Variants in PALM observed in about 807,000 individuals in gnomAD.
PALM encodes paralemmin-1.
In PALM, 18 loss-of-function variants were observed where a neutral mutation model predicts 30.7. The observed-to-expected ratio is 0.59, with a 90% confidence interval of 0.41 to 0.87. The LOEUF (loss-of-function observed/expected upper bound fraction) is 0.87, where lower values mean the gene tolerates loss of function less well. Among genes scored for constraint, PALM ranks in the 40% least tolerant of loss-of-function variants. PALM has a pLI of 0.00. For missense variants in PALM, 529 were observed against 555.4 expected, an observed-to-expected ratio of 0.95 and a Z score of 0.48; for synonymous variants, 286 against 242.8, an observed-to-expected ratio of 1.18 and a Z score of -1.66.
intron 1 of PALM, among the ~76,000 whole-genome samples, chr19:718,381 G>A (rs947734125): frequency 6.6e-6 from 1 of 152,178 alleles, no homozygotes; most frequent in Non-Finnish European, 1.5e-5. Flanking sequence ...CCTGCAGTGG[G>A]AGCTCTGTGG....
At position 720,151 on chromosome 19, in the gene PALM, G is replaced by GC. The variant is rs567150015; in HGVS notation, c.6-5979dup. On this transcript the variant is annotated intron_variant, in intron 1 of 8. Coordinates refer to ENST00000338448, the MANE Select transcript of PALM (RefSeq NM_002579.3). ...AGGCCGCCCCAGGCCCGAAGCCTCG[G>GC]CCCCCCCCAATCCCCCCAAGCACAG... Among the ~76,000 whole-genome samples the GC allele has an allele frequency of 9.6e-3, 1,447 of 151,116 alleles. 26 individuals are homozygous for GC. The highest frequency in any genetic ancestry group is 0.033 in the African/African-American group (1,357 of 41,242).
rs938451497 is a variant in PALM at position 747,220 on chromosome 19, C to G, written c.*406C>G. ...ACCTGTGCCTTTCTCTGAGGGGACACCCCGCCAGAGAGGGCCCCGGGAGCC... is the reference window on the plus strand; with the variant it reads ...ACCTGTGCCTTTCTCTGAGGGGACAGCCCGCCAGAGAGGGCCCCGGGAGCC... On this transcript the variant is annotated 3_prime_UTR_variant, in exon 9 of 9. Transcript: ENST00000338448. The G allele has an allele frequency of 5.6e-6, 1 of 179,584 alleles. No homozygotes were observed. Among genetic ancestry groups the G allele is most frequent in the Non-Finnish European group, 1.2e-5 (1 of 86,338 alleles). The allele number at this position is 179,584 out of a possible 1,614,324, so 11.1% of individuals were successfully genotyped here.
Position 731,187 on chromosome 19 carries a change from C to T in PALM, c.362C>T (p.Pro121Leu). 1 of 1,611,112 alleles carries T rather than the reference C, an allele frequency of 6.2e-7. No homozygotes were observed. Among genetic ancestry groups the T allele is most frequent in the Non-Finnish European group, 8.5e-7 (1 of 1,179,242 alleles). ...GCGGCCCCGAGCCCAGTCCGGGCCC[C>T]AGCCCCGAGTCCAGCCAAGGAGGAG... ...NAAAPSPVRA[P>L]APSPAKEERK... Residue 121 changes from proline (P) to leucine (L), a missense_variant, in exon 5 of 9, where the codon CCA becomes CTA. Coordinates refer to ENST00000338448, the MANE Select transcript of PALM (RefSeq NM_002579.3).
chr19:731,313 A>G, intron 5 of PALM, 68 bp downstream of exon 5: 1 of 1,400,026 alleles, frequency 7.1e-7, no homozygotes, highest in Non-Finnish European at 9.7e-7. Context: ...GCGAGGCCCC[A>G]GCCCTTCCAT....
chr19:719,700 C>T (rs1455913182), intron 1 of PALM: 7 of 877,768 alleles, frequency 8.0e-6, no homozygotes, highest in African/African-American at 1.8e-5. Flanking sequence ...TTCCGTGACC[C>T]CTGCGCCGGG....
At chr19:740,790 C>G (rs2144919854) in intron 8 of PALM, among the ~76,000 whole-genome samples, 1 of 152,296 alleles carries the variant, frequency 6.6e-6, no homozygotes, top group African/African-American at 2.4e-5. Context: ...TCTGTCCTTG[C>G]CGGGTGGCAA....
chr19:727,073 G>A lies in PALM; in HGVS notation c.123G>A (p.Gln41=), dbSNP rs994012274. 3 of 1,494,490 alleles carry A rather than the reference G, an allele frequency of 2.0e-6. No individual in the cohort carries two copies. Among genetic ancestry groups the A allele is most frequent in the Non-Finnish European group, 2.7e-6 (3 of 1,111,168 alleles). 92.6% of individuals were successfully genotyped at this position (1,494,490 alleles called of 1,614,324 possible). ...GGCAGCTGGAGGACGAGCGGAGGCA[G>A]CTGCAGCACCTGAAGGTACGAGCGG... ...KRRQLEDERR[Q]LQHLKSKALR... The change falls in exon 3 of 9, where the codon CAG becomes CAA. Residue 41 remains glutamine, a synonymous_variant. Transcript: ENST00000338448.
intron 1 of PALM, among the ~76,000 whole-genome samples, chr19:710,824 G>A (rs1271227708): frequency 2.0e-5 from 3 of 152,238 alleles, no homozygotes; most frequent in East Asian, 3.8e-4. Flanking sequence ...AGTGTTAACC[G>A]GCTGCTGTGA....
At position 742,482 on chromosome 19, in the gene PALM, G is replaced by A. The variant is rs185673557; in HGVS notation, c.634+1999G>A. Among the ~76,000 whole-genome samples, 34 of 152,236 alleles carry A rather than the reference G, an allele frequency of 2.2e-4. 1 individual carries two copies. The highest frequency in any genetic ancestry group is 6.3e-4 in the African/African-American group (26 of 41,542). On this transcript the variant is annotated intron_variant, in intron 8 of 8. Transcript: ENST00000338448. This position sits in a 1 kb window ranked among gnomAD's most constrained non-coding sequence, Gnocchi z 5.5. ...TAGCTGGACGTGGTGGCGGACGCCT[G>A]TAATCCCAGATACTTTGGAGGCTGA... is the stretch of plus-strand genomic sequence containing the variant.
At chr19:718,422 C>G (rs546064173) in intron 1 of PALM, among the ~76,000 whole-genome samples, 1 of 152,178 alleles carries the variant, frequency 6.6e-6, no homozygotes, top group African/African-American at 2.4e-5. Flanking sequence ...GGAGTGCAGT[C>G]GCGTGGGGAG....
At chr19:717,245 C>T (rs1282785196) in intron 1 of PALM, among the ~76,000 whole-genome samples, 2 of 152,072 alleles carry the variant, frequency 1.3e-5, no homozygotes, top group African/African-American at 4.8e-5. Flanking sequence ...GTATCTTTCA[C>T]CACAATTGTA....
At chr19:724,829 G>A (rs966384145) in intron 1 of PALM, among the ~76,000 whole-genome samples, 1 of 151,952 alleles carries the variant, frequency 6.6e-6, no homozygotes, top group African/African-American at 2.4e-5. Context: ...TTACTAGATT[G>A]CCTAGGCTGG....
intron 7 of PALM, among the ~76,000 whole-genome samples, chr19:737,587 G>A (rs1363491278): frequency 6.6e-6 from 1 of 152,180 alleles, no homozygotes; most frequent in Non-Finnish European, 1.5e-5. Flanking sequence ...CGTAAGAGGT[G>A]ACGTCTGAGC....
Position 746,540 on chromosome 19 carries a change from C to T in PALM, c.890C>T (p.Pro297Leu), listed in dbSNP as rs201780424. ...PPGIQPGQEP[P>L]VTMIFMGYQN... ...GGGATCCAGCCCGGCCAGGAGCCCC[C>T]GGTCACAATGATCTTCATGGGTTAC... The change falls in exon 9 of 9, where the codon CCG becomes CTG. Residue 297 changes from proline (P) to leucine (L), a missense_variant. Pro to Leu is a moderately conservative substitution (Grantham distance 98). Transcript: ENST00000338448. This position sits in a 1 kb window ranked among gnomAD's most constrained non-coding sequence, Gnocchi z 7.1. 30 of 1,613,202 alleles carry T rather than the reference C, an allele frequency of 1.9e-5. No individual in the cohort carries two copies. The highest frequency in any genetic ancestry group is 4.5e-5 in the East Asian group (2 of 44,850).
intron 5 of PALM, among the ~76,000 whole-genome samples, chr19:732,587 C>T (rs970390935): frequency 6.6e-6 from 1 of 152,076 alleles, no homozygotes; most frequent in African/African-American, 2.4e-5. Context: ...CTCAGCTGCT[C>T]GGGAGGCTGA....
intron 1 of PALM, among the ~76,000 whole-genome samples, chr19:710,650 T>C (rs555082508): frequency 3.6e-5 from 4 of 111,468 alleles, no homozygotes; most frequent in South Asian, 7.9e-4. Context: ...GAGGAGCTGC[T>C]GCCCCCCCCC....
chr19:743,933 G>GA (rs2033261470), intron 8 of PALM, among the ~76,000 whole-genome samples: 1 of 151,938 alleles, frequency 6.6e-6, no homozygotes, highest in African/African-American at 2.4e-5. Flanking sequence ...AACATTGTCA[G>GA]AAAGTGACCA....
At chr19:744,137 A>G (rs1158684755) in intron 8 of PALM, among the ~76,000 whole-genome samples, 1 of 152,196 alleles carries the variant, frequency 6.6e-6, no homozygotes, top group Non-Finnish European at 1.5e-5. Context: ...ATGGTGGCTC[A>G]CGCCTGTAAT....
intron 7 of PALM, among the ~76,000 whole-genome samples, chr19:738,117 A>G (rs2033076004): frequency 6.6e-6 from 1 of 152,032 alleles, no homozygotes; most frequent in South Asian, 2.1e-4. Context: ...CTGGCCAGGC[A>G]CGGTGGCTCA....
Sources: gnomAD v4.1 joint callset for allele counts (sites outside exome capture counted in the v4.1 genomes callset) on GRCh38, gnomAD v4.1.1 for gene constraint, Gnocchi (gnomAD v3.1) non-coding constraint, MANE v1.5 for transcripts, NCBI Gene and HGNC (gene_info 2026-07-23, HGNC 2026-07-21) for gene names.